PPP1R13B: variants seen among roughly 807,000 people sequenced by gnomAD.
PPP1R13B encodes the protein protein phosphatase 1 regulatory subunit 13B.
A neutral mutation model predicts 119.8 loss-of-function variants in PPP1R13B; 44 were observed. The observed-to-expected ratio is 0.37, with a 90% confidence interval of 0.29 to 0.47. The LOEUF (loss-of-function observed/expected upper bound fraction) is 0.47. PPP1R13B is among the 20% of genes least tolerant of loss of function. PPP1R13B has a pLI of 0.99. For missense variants in PPP1R13B, 1,227 were observed against 1,413.5 expected (o/e 0.87, Z 2.12); for synonymous variants, 542 against 561.5 (o/e 0.97, Z 0.49).
intron 1 of PPP1R13B, among the ~76,000 whole-genome samples, chr14:103,820,227 A>G (rs1181337927): frequency 6.6e-6 from 1 of 152,186 alleles, no homozygotes; most frequent in Non-Finnish European, 1.5e-5. Context: ...CCAGGTCCAG[A>G]GCCTCAGCTC....
chr14:103,791,127 T>C (rs72712807), intron 2 of PPP1R13B, among the ~76,000 whole-genome samples: 3 of 96,954 alleles, frequency 3.1e-5, no homozygotes, highest in Admixed American at 9.5e-5. Flanking sequence ...TTTTCTTCTT[T>C]TTTTTTTTTT....
At chr14:103,835,490 G>A (rs2086754658) in intron 1 of PPP1R13B, among the ~76,000 whole-genome samples, 1 of 150,880 alleles carries the variant, frequency 6.6e-6, no homozygotes, top group African/African-American at 2.4e-5. Flanking sequence ...AAGTACAGTG[G>A]TGTGATCATA....
At chr14:103,836,513 G>GTT in intron 1 of PPP1R13B, among the ~76,000 whole-genome samples, 1 of 152,170 alleles carries the variant, frequency 6.6e-6, no homozygotes, top group East Asian at 1.9e-4. Flanking sequence ...GCTCATGCCT[G>GTT]TAATCCCAGC....
intron 2 of PPP1R13B, among the ~76,000 whole-genome samples, chr14:103,793,616 T>C (rs1381961064): frequency 6.6e-6 from 1 of 151,994 alleles, no homozygotes; most frequent in Non-Finnish European, 1.5e-5. Flanking sequence ...CCTATACATA[T>C]CATGTAATAT....
At chr14:103,754,297 G>A in intron 5 of PPP1R13B, 53 bp from the exon 6 acceptor site, 30 of 1,537,074 alleles carry the variant, frequency 2.0e-5, no homozygotes, top group Non-Finnish European at 2.6e-5. Flanking sequence ...GGGCGCGGTG[G>A]CTCACATCTG....
chr14:103,768,311 T>A (rs974027824), intron 4 of PPP1R13B, among the ~76,000 whole-genome samples: 6 of 152,132 alleles, frequency 3.9e-5, no homozygotes, highest in Admixed American at 6.6e-5. Context: ...TATTATTATT[T>A]TTTGAGATGG....
At chr14:103,831,692 T>G (rs1186723486) in intron 1 of PPP1R13B, among the ~76,000 whole-genome samples, 2 of 151,570 alleles carry the variant, frequency 1.3e-5, no homozygotes, top group Admixed American at 6.6e-5. Flanking sequence ...TCCCAGCACT[T>G]TGGGAGGCCA....
Position 103,734,431 on chromosome 14 carries a change from A to G in PPP1R13B, c.*723T>C, listed in dbSNP as rs762482225. On this transcript the variant is annotated 3_prime_UTR_variant, in exon 17 of 17. Coordinates refer to ENST00000202556, the MANE Select transcript of PPP1R13B (RefSeq NM_015316.3). ...TGAGAACCACACTGAGCAGCATGACAGGCTGTGAGATCGGAGGAGAAGAGT... is the reference window on the plus strand; with the variant it reads ...TGAGAACCACACTGAGCAGCATGACGGGCTGTGAGATCGGAGGAGAAGAGT... The G allele has an allele frequency of 6.9e-6, 3 of 437,016 alleles. No individual in the cohort carries two copies. Among genetic ancestry groups the G allele is most frequent in the East Asian group, 7.1e-5 (1 of 14,176 alleles). The allele number at this position is 437,016 out of a possible 1,614,324, so 27.1% of individuals were successfully genotyped here.
chr14:103,830,872 A>C (rs375442828), intron 1 of PPP1R13B, among the ~76,000 whole-genome samples: 137 of 152,254 alleles, frequency 9.0e-4, no homozygotes, highest in South Asian at 3.7e-3. Context: ...AATTTGAGAG[A>C]CTTAGTATTA....
At chr14:103,785,410 G>T (rs2085437772) in intron 2 of PPP1R13B, among the ~76,000 whole-genome samples, 1 of 151,872 alleles carries the variant, frequency 6.6e-6, no homozygotes, top group African/African-American at 2.4e-5. Context: ...TAGAGAGAGG[G>T]TTTCACCATG....
chr14:103,774,474 G>C (rs548586639), intron 4 of PPP1R13B, among the ~76,000 whole-genome samples: 1 of 152,276 alleles, frequency 6.6e-6, no homozygotes, highest in South Asian at 2.1e-4. Flanking sequence ...CATATATAAT[G>C]AGAACAAATC....
chr14:103,781,744 C>T (rs1293647851), intron 3 of PPP1R13B, among the ~76,000 whole-genome samples: 1 of 152,106 alleles, frequency 6.6e-6, no homozygotes, highest in African/African-American at 2.4e-5. Context: ...CTCTGCCTCC[C>T]GGGTTCACAC....
At chr14:103,762,893 G>C (rs4906365) in intron 4 of PPP1R13B, 399,344 of 981,042 alleles carry the variant, frequency 0.41, 82,947 homozygotes, top group African/African-American at 0.52. Context: ...AGTGGAATCA[G>C]AGCAAATTTC....
At chr14:103,844,455 C>T (rs1167402925) in intron 1 of PPP1R13B, among the ~76,000 whole-genome samples, 3 of 151,766 alleles carry the variant, frequency 2.0e-5, no homozygotes, top group African/African-American at 7.3e-5. Flanking sequence ...CATGGCCGGG[C>T]GCAGTGGCTC....
At chr14:103,845,267 G>A (rs75102011) in intron 1 of PPP1R13B, among the ~76,000 whole-genome samples, 1 of 151,978 alleles carries the variant, frequency 6.6e-6, no homozygotes, top group Non-Finnish European at 1.5e-5. Flanking sequence ...AGTAAGAATG[G>A]CATTTCTGAA....
intron 9 of PPP1R13B, among the ~76,000 whole-genome samples, chr14:103,745,283 A>C (rs2084358603): frequency 6.6e-6 from 1 of 152,260 alleles, no homozygotes; most frequent in Non-Finnish European, 1.5e-5. Flanking sequence ...CCTGGGGGCC[A>C]GGCAAGAGAA....
chr14:103,802,333 A>T (rs1305971051), intron 1 of PPP1R13B, among the ~76,000 whole-genome samples: 5 of 152,148 alleles, frequency 3.3e-5, no homozygotes, highest in African/African-American at 4.8e-5. Flanking sequence ...CAACAAAAAG[A>T]TCTAATAATA....
chr14:103,762,768 G>A (rs1331397670), intron 4 of PPP1R13B: 13 of 703,978 alleles, frequency 1.8e-5, no homozygotes, highest in Non-Finnish European at 3.4e-5. Context: ...TGCTGCTGTG[G>A]GGGCAGGTGG....
Position 103,797,386 on chromosome 14 carries a change from C to T in PPP1R13B, c.142G>A (p.Val48Met), listed in dbSNP as rs752636119. Residue 48 changes from valine to methionine, a missense_variant, in exon 2 of 17, where the codon GTG becomes ATG. Coordinates refer to ENST00000202556, the MANE Select transcript of PPP1R13B (RefSeq NM_015316.3). ...TAATACATACCATTTCCCCTCCACA[C>T]TTCAGCTAAATGGCAGCTGCCTTCT... ...PGEGSCHLAE[V>M]WRGNERPIPF... 1 of 1,614,028 alleles carries T rather than the reference C, an allele frequency of 6.2e-7. No individual in the cohort carries two copies. The highest frequency in any genetic ancestry group is 1.7e-5 in the Admixed American group (1 of 59,996).
Sources: allele counts gnomAD v4.1 joint callset (sites outside exome capture counted in the v4.1 genomes callset), GRCh38; gene constraint gnomAD v4.1.1; transcripts MANE v1.5; gene names NCBI Gene and HGNC (gene_info 2026-07-23, HGNC 2026-07-21).